The following PACS2 variants were observed in gnomAD, a reference collection of about 807,000 sequenced individuals.
PACS2 encodes the protein PACS1-like protein.
Under a neutral mutation model 113.0 loss-of-function variants are expected in PACS2, and 36 were observed. That is an observed-to-expected ratio of 0.32 (90% CI 0.24 to 0.42). The LOEUF (loss-of-function observed/expected upper bound fraction) is 0.42, where lower values mean the gene tolerates loss of function less well. Ranked by LOEUF, PACS2 falls within the 10% of genes least tolerant of loss-of-function variation. The pLI is 1.00. For missense variants in PACS2, 1,015 were observed against 1,239.5 expected (o/e 0.82, Z 2.72); for synonymous variants, 589 against 536.1 (o/e 1.10, Z -1.36).
chr14:105,394,857 C>G lies in PACS2; in HGVS notation c.*185C>G. The G allele has an allele frequency of 1.7e-6, 1 of 594,626 alleles. No homozygotes were observed. The highest frequency in any genetic ancestry group is 1.9e-5 in the South Asian group (1 of 52,022). The allele number at this position is 594,626 out of a possible 1,614,324, so 36.8% of individuals were successfully genotyped here. A position where few individuals can be genotyped will look rare whatever the true frequency, so the allele number is the denominator to read the frequency against. On this transcript the variant is annotated 3_prime_UTR_variant, in exon 25 of 25. Coordinates refer to ENST00000447393, the MANE Select transcript of PACS2 (RefSeq NM_001100913.3). ...TCCTGCCAGGAGCCGAATAACTGCT[C>G]TGCTTATTAACCCGAACGTTCGGCC...
upstream of PACS2, chr14:105,314,471 G>GGCGCC (rs2058463104): frequency 6.7e-6 from 1 of 149,606 alleles, no homozygotes; most frequent in Non-Finnish European, 1.5e-5. Flanking sequence ...GGCGGGGCGG[G>GGCGCC]GCGCCCCGGG....
chr14:105,364,677 C>T (rs1274732755), intron 4 of PACS2, among the ~76,000 whole-genome samples: 8 of 150,740 alleles, frequency 5.3e-5, no homozygotes, highest in African/African-American at 1.7e-4. Context: ...AGTGTGACAT[C>T]CTGAGCAATT....
chr14:105,382,764 TG>T, intron 14 of PACS2, 42 bp from the exon 15 acceptor site: 2 of 1,299,166 alleles, frequency 1.5e-6, no homozygotes, highest in African/African-American at 1.5e-5. Flanking sequence ...GGGGGTGGCC[TG>T]GGCGGCTGTG....
At chr14:105,326,641 C>T (rs2059119538) in intron 1 of PACS2, among the ~76,000 whole-genome samples, 2 of 152,224 alleles carry the variant, frequency 1.3e-5, no homozygotes, top group African/African-American at 2.4e-5. Flanking sequence ...TCATGAGGCC[C>T]CTCGGTCTGG....
chr14:105,389,858 CG>C, intron 19 of PACS2, 102 bp from the exon 20 acceptor site: 1 of 1,057,206 alleles, frequency 9.5e-7, no homozygotes, highest in Non-Finnish European at 1.5e-6. Flanking sequence ...GGCAGGGCCG[CG>C]GCCCCAGGGC....
Position 105,367,251 on chromosome 14 carries a change from C to T in PACS2, c.462C>T (p.Ser154=), listed in dbSNP as rs782153042. ...QHPSEGGQVL[S]LCSSIKEAPV... ...CGTCTGAAGGTGGCCAGGTGCTGAG[C>T]CTCTGCAGCAGCATCAAGGAGGCCC... Residue 154 remains serine (S), a synonymous_variant, in exon 5 of 25, where the codon AGC becomes AGT. Transcript: ENST00000447393. 5.0e-6 allele frequency: 8 copies of T among 1,613,026 alleles called. No homozygotes were observed. The highest frequency in any genetic ancestry group is 1.1e-5 in the South Asian group (1 of 91,092).
Position 105,385,668 on chromosome 14 carries a change from G to A in PACS2, c.2001-17G>A. On this transcript the variant is annotated splice_polypyrimidine_tract_variant and intron_variant, in intron 18 of 24. Coordinates refer to ENST00000447393, the MANE Select transcript of PACS2 (RefSeq NM_001100913.3). Reference sequence around the variant, plus strand: ...TCGTAACGTGTCTGTTTTCTCTTTTGGTGGCTTTCTGAAAAGGAAAAAGCA... The same window carrying A: ...TCGTAACGTGTCTGTTTTCTCTTTTAGTGGCTTTCTGAAAAGGAAAAAGCA... The A allele has an allele frequency of 6.6e-7, 1 of 1,516,556 alleles. No homozygotes were observed. Among genetic ancestry groups the A allele is most frequent in the Non-Finnish European group, 8.8e-7 (1 of 1,134,354 alleles). The allele number at this position is 1,516,556 out of a possible 1,614,324, so 93.9% of individuals were successfully genotyped here.
chr14:105,391,108 G>C (rs1242015115), intron 20 of PACS2, 99 bp from the exon 21 acceptor site: 27 of 862,558 alleles, frequency 3.1e-5, no homozygotes, highest in Non-Finnish European at 5.2e-5. Flanking sequence ...CAGCATCATG[G>C]GAGTGGTGGC....
chr14:105,373,646 G>T (rs2061238839), intron 8 of PACS2, among the ~76,000 whole-genome samples: 1 of 152,040 alleles, frequency 6.6e-6, no homozygotes, highest in South Asian at 2.1e-4. Context: ...AAATTGGCCG[G>T]GCATGGTGGT....
intron 1 of PACS2, among the ~76,000 whole-genome samples, chr14:105,320,746 T>C (rs1455974138): frequency 6.6e-6 from 1 of 152,262 alleles, no homozygotes; most frequent in African/African-American, 2.4e-5. Context: ...ATTTTGGCGC[T>C]AAGATTTCCT....
At chr14:105,322,568 C>T (rs1024764361) in intron 1 of PACS2, among the ~76,000 whole-genome samples, 1 of 152,224 alleles carries the variant, frequency 6.6e-6, no homozygotes, top group Non-Finnish European at 1.5e-5. Flanking sequence ...GCCCAGCCTA[C>T]CCTGTACATT....
intron 22 of PACS2, 38 bp downstream of exon 22, chr14:105,391,804 C>T (rs781906408): frequency 7.7e-6 from 12 of 1,551,154 alleles, no homozygotes; most frequent in African/African-American, 4.1e-5. Flanking sequence ...TTCACTTACC[C>T]GCCCCACCAC....
chr14:105,361,874 A>G (rs1162934994), intron 4 of PACS2, among the ~76,000 whole-genome samples: 1 of 151,550 alleles, frequency 6.6e-6, no homozygotes, highest in Non-Finnish European at 1.5e-5. Context: ...GCTTGAACCC[A>G]GGAGGCGGAA....
chr14:105,378,815 C>T (rs1595140599), intron 9 of PACS2, among the ~76,000 whole-genome samples: 1 of 152,372 alleles, frequency 6.6e-6, no homozygotes, highest in African/African-American at 2.4e-5. Flanking sequence ...ATGAGACATT[C>T]GGCCTGGATG....
intron 1 of PACS2, among the ~76,000 whole-genome samples, chr14:105,302,016 G>A (rs587688442): frequency 7.9e-5 from 12 of 152,116 alleles, no homozygotes; most frequent in African/African-American, 2.9e-4. Context: ...GTGGGCGCCT[G>A]TAATCCCAGC....
intron 1 of PACS2, among the ~76,000 whole-genome samples, chr14:105,346,027 C>CT (rs150170271): frequency 0.013 from 1,996 of 152,296 alleles, 47 homozygotes; most frequent in African/African-American, 0.045. Flanking sequence ...CAGGTGGCCT[C>CT]AGAGTGCACC....
chr14:105,375,478 T>C (rs1487160059), intron 8 of PACS2, among the ~76,000 whole-genome samples: 1 of 110,722 alleles, frequency 9.0e-6, no homozygotes, highest in Non-Finnish European at 1.6e-5. Flanking sequence ...CGAGACTCCA[T>C]CTCAAAAAAA....
chr14:105,391,233 A>T lies in PACS2; in HGVS notation c.2103A>T (p.Pro701=). 2 of 1,613,248 alleles carry T rather than the reference A, an allele frequency of 1.2e-6. No homozygotes were observed. Among genetic ancestry groups the T allele is most frequent in the East Asian group, 4.5e-5 (2 of 44,874 alleles). Residue 701 remains proline, a synonymous_variant, in exon 21 of 25, where the codon CCA becomes CCT. Coordinates refer to ENST00000447393, the MANE Select transcript of PACS2 (RefSeq NM_001100913.3). ...VGVVKVGIVE[P]SSATSGDSDD... is the part of the protein sequence containing the mutation. ...TTGTGAAGGTTGGAATTGTGGAGCCATCCTCGGCCACATCAGGTAACCCCG... is the reference window on the plus strand; with the variant it reads ...TTGTGAAGGTTGGAATTGTGGAGCCTTCCTCGGCCACATCAGGTAACCCCG...
At chr14:105,349,203 A>G (rs587634667) in intron 2 of PACS2, among the ~76,000 whole-genome samples, 100 of 152,314 alleles carry the variant, frequency 6.6e-4, no homozygotes, top group African/African-American at 2.3e-3. Context: ...GTCCCCGCCA[A>G]CTGTCAGGGC....
Sources: allele counts gnomAD v4.1 joint callset (sites outside exome capture counted in the v4.1 genomes callset), GRCh38; gene constraint gnomAD v4.1.1; transcripts MANE v1.5; gene names NCBI Gene and HGNC (gene_info 2026-07-23, HGNC 2026-07-21).